SHC3: variants seen among roughly 807,000 people sequenced by gnomAD.
SHC3 encodes the protein SHC adaptor protein 3, also known as SHC-transforming protein 3.
Under a neutral mutation model 60.4 loss-of-function variants are expected in SHC3, and 15 were observed. That is an observed-to-expected ratio of 0.25 (90% CI 0.17 to 0.38). The LOEUF (loss-of-function observed/expected upper bound fraction) is 0.38. Ranked by LOEUF, SHC3 falls within the 10% of genes least tolerant of loss-of-function variation. The pLI, the probability that SHC3 is intolerant of heterozygous loss-of-function variation, is 1.00. For missense variants in SHC3, 677 were observed against 786.1 expected (o/e 0.86, Z 1.66); for synonymous variants, 294 against 325.9 (o/e 0.90, Z 1.05).
At chr9:89,032,798 T>C (rs1194439257) in intron 11 of SHC3, among the ~76,000 whole-genome samples, 1 of 152,198 alleles carries the variant, frequency 6.6e-6, no homozygotes. Context: ...TAATCTGTTC[T>C]CTGCCAAGTT....
At chr9:89,118,940 T>C (rs1826053466) in intron 1 of SHC3, among the ~76,000 whole-genome samples, 1 of 152,308 alleles carries the variant, frequency 6.6e-6, no homozygotes, top group East Asian at 1.9e-4. Flanking sequence ...ATACACCTTA[T>C]GCCTTAATAA....
chr9:89,070,023 T>A (rs1305004641), intron 5 of SHC3, among the ~76,000 whole-genome samples: 1 of 152,094 alleles, frequency 6.6e-6, no homozygotes, highest in African/African-American at 2.4e-5. Context: ...AATGAAGAGA[T>A]CTTGGACCAG....
At chr9:89,027,403 T>C (rs1055416956) in intron 11 of SHC3, among the ~76,000 whole-genome samples, 4 of 149,670 alleles carry the variant, frequency 2.7e-5, no homozygotes, top group African/African-American at 1.0e-4. Context: ...CACTGCAGGC[T>C]GTGCCCCCCG....
At chr9:89,101,619 A>T (rs2873165) in intron 2 of SHC3, among the ~76,000 whole-genome samples, 97,073 of 150,262 alleles carry the variant, frequency 0.65, 32,294 homozygotes, top group East Asian at 0.93. Context: ...ATATATATAT[A>T]TTTTTTTTAA....
At chr9:89,028,913 T>A (rs1294812083) in intron 11 of SHC3, among the ~76,000 whole-genome samples, 1 of 147,814 alleles carries the variant, frequency 6.8e-6, no homozygotes, top group Admixed American at 6.8e-5. Flanking sequence ...TCTATATCTA[T>A]TAATATAAGT....
At chr9:89,140,061 T>C (rs1826370843) in intron 1 of SHC3, among the ~76,000 whole-genome samples, 1 of 152,234 alleles carries the variant, frequency 6.6e-6, no homozygotes, top group Non-Finnish European at 1.5e-5. Flanking sequence ...TGAAGAGTAC[T>C]AAAGTCACAT....
chr9:89,141,334 C>G (rs80291551), intron 1 of SHC3, among the ~76,000 whole-genome samples: 4 of 152,264 alleles, frequency 2.6e-5, no homozygotes, highest in Non-Finnish European at 4.4e-5. Flanking sequence ...CGGTACCCTT[C>G]TTTATGACAG....
At chr9:89,027,460 G>T (rs1017529597) in intron 11 of SHC3, among the ~76,000 whole-genome samples, 1 of 151,840 alleles carries the variant, frequency 6.6e-6, no homozygotes, top group Non-Finnish European at 1.5e-5. Flanking sequence ...GGGACTACAG[G>T]CACCTGCCAC....
intron 1 of SHC3, among the ~76,000 whole-genome samples, chr9:89,154,254 T>C (rs2118224678): frequency 6.6e-6 from 1 of 152,300 alleles, no homozygotes; most frequent in South Asian, 2.1e-4. Context: ...GTATTTTATG[T>C]GTGGTCCAAG....
At chr9:89,168,407 T>C (rs1826821012) in intron 1 of SHC3, among the ~76,000 whole-genome samples, 1 of 151,968 alleles carries the variant, frequency 6.6e-6, no homozygotes. Context: ...GAGGTTGCTG[T>C]GAGCCGAGAT....
At chr9:89,123,070 C>T (rs28404339) in intron 1 of SHC3, among the ~76,000 whole-genome samples, 3,903 of 152,180 alleles carry the variant, frequency 0.026, 73 homozygotes, top group Middle Eastern at 0.068. Context: ...GGTGGTGTTA[C>T]GAATTAGGAG....
At chr9:89,057,135 A>G (rs1824965530) in intron 6 of SHC3, among the ~76,000 whole-genome samples, 3 of 152,212 alleles carry the variant, frequency 2.0e-5, no homozygotes, top group Admixed American at 6.5e-5. Context: ...GTCCTGCTCA[A>G]CAAGGACGGC....
chr9:89,158,597 A>G (rs2118235233), intron 1 of SHC3, among the ~76,000 whole-genome samples: 1 of 152,248 alleles, frequency 6.6e-6, no homozygotes, highest in African/African-American at 2.4e-5. Flanking sequence ...AGTTCCATCA[A>G]TGGCTAGTGG....
chr9:89,017,700 G>A (rs1489435085), intron 11 of SHC3, among the ~76,000 whole-genome samples: 1 of 152,140 alleles, frequency 6.6e-6, no homozygotes, highest in East Asian at 1.9e-4. Flanking sequence ...TATCATCAGA[G>A]TGAACAGGCA....
intron 10 of SHC3, among the ~76,000 whole-genome samples, chr9:89,041,716 T>C (rs1824689895): frequency 6.6e-6 from 1 of 152,234 alleles, no homozygotes; most frequent in Non-Finnish European, 1.5e-5. Flanking sequence ...TGGCACATAA[T>C]AGCCAATTAC....
At chr9:89,067,587 A>G (rs1825203734) in intron 5 of SHC3, among the ~76,000 whole-genome samples, 1 of 152,196 alleles carries the variant, frequency 6.6e-6, no homozygotes, top group Non-Finnish European at 1.5e-5. Flanking sequence ...GCAAATTGAC[A>G]TTATACTTGT....
intron 1 of SHC3, among the ~76,000 whole-genome samples, chr9:89,157,828 C>A (rs111657646): frequency 0.013 from 2,004 of 152,078 alleles, 47 homozygotes; most frequent in African/African-American, 0.043. Context: ...GGCTATGTTG[C>A]CCAGGCTGGC....
chr9:89,059,309 GGTGGAGGACGTT>G (rs113970651), intron 6 of SHC3, among the ~76,000 whole-genome samples: 67,795 of 128,874 alleles, frequency 0.53, 19,025 homozygotes, highest in East Asian at 0.97. Flanking sequence ...GGAGGACGGT[GGTGGAGGACGTT>G]GTGGAGGATG....
At position 89,098,995 on chromosome 9, in the gene SHC3, A is replaced by C. The variant is rs890202411; in HGVS notation, c.545+13561T>G. ...TCAAAATAAATAAATAAATTAATTA[A>C]TTAATTAAAAAAGAAATATGCAGGA... is the stretch of plus-strand genomic sequence containing the variant. On this transcript the variant is annotated intron_variant, in intron 2 of 11. Coordinates refer to ENST00000375835, the MANE Select transcript of SHC3 (RefSeq NM_016848.6). 3.9e-5 allele frequency among the ~76,000 whole-genome samples: 6 copies of C among 152,062 alleles called. No individual in the cohort carries two copies. The South Asian group carries it at 1.2e-3, about 31-fold the overall frequency.
Sources: allele counts gnomAD v4.1 joint callset (sites outside exome capture counted in the v4.1 genomes callset), GRCh38; gene constraint gnomAD v4.1.1; transcripts MANE v1.5; gene names NCBI Gene and HGNC (gene_info 2026-07-23, HGNC 2026-07-21).